C8orf34: variants seen among roughly 807,000 people sequenced by gnomAD.
C8orf34 encodes uncharacterized protein C8orf34.
In C8orf34, 65 loss-of-function variants were observed where a neutral mutation model predicts 68.3. The ratio of observed to expected loss-of-function variants is 0.95; its 90% CI spans 0.78 to 1.17. The LOEUF (loss-of-function observed/expected upper bound fraction) is 1.17, where lower values mean the gene tolerates loss of function less well. Among genes scored for constraint, C8orf34 ranks in the 50% most tolerant of loss-of-function variants. The pLI is 0.00. For missense variants in C8orf34, 664 were observed against 655.4 expected (o/e 1.01, Z -0.14); for synonymous variants, 244 against 241.2 (o/e 1.01, Z -0.11).
At chr8:68,749,975 A>G (rs1336649916) in intron 10 of C8orf34, among the ~76,000 whole-genome samples, 1 of 152,148 alleles carries the variant, frequency 6.6e-6, no homozygotes, top group Admixed American at 6.6e-5. Flanking sequence ...TTTGTTTCTC[A>G]TGAGAGATTC....
At chr8:68,472,580 C>T (rs1812428155) in intron 4 of C8orf34, among the ~76,000 whole-genome samples, 1 of 152,062 alleles carries the variant, frequency 6.6e-6, no homozygotes, top group Non-Finnish European at 1.5e-5. Flanking sequence ...AGAATTCTGC[C>T]TGCCATAGAT....
At chr8:68,767,812 C>A (rs1289255220) in intron 10 of C8orf34, among the ~76,000 whole-genome samples, 1 of 152,132 alleles carries the variant, frequency 6.6e-6, no homozygotes, top group Non-Finnish European at 1.5e-5. Flanking sequence ...GCTGGCGTGG[C>A]TATTTAATAT....
intron 10 of C8orf34, among the ~76,000 whole-genome samples, chr8:68,748,548 C>T (rs757648612): frequency 4.0e-5 from 6 of 151,432 alleles, no homozygotes; most frequent in Admixed American, 2.0e-4. Flanking sequence ...AAGAAAAAAA[C>T]AAACAACCCC....
chr8:68,545,138 T>C (rs543679664), intron 7 of C8orf34, among the ~76,000 whole-genome samples: 3 of 152,130 alleles, frequency 2.0e-5, no homozygotes, highest in East Asian at 1.9e-4. Context: ...TTCCCATCTG[T>C]TGTGGGAGGG....
At chr8:68,562,861 G>A (rs1816475684) in intron 7 of C8orf34, among the ~76,000 whole-genome samples, 1 of 152,198 alleles carries the variant, frequency 6.6e-6, no homozygotes, top group African/African-American at 2.4e-5. Context: ...TGTTGCTGAT[G>A]TTCCTAATGT....
At chr8:68,535,877 A>G (rs1156251086) in intron 7 of C8orf34, 1 of 980,826 alleles carries the variant, frequency 1.0e-6, no homozygotes, top group African/African-American at 1.7e-5. Flanking sequence ...TGGTGCTGTA[A>G]TTATAGAAGA....
chr8:68,668,951 T>G (rs895109464), intron 8 of C8orf34, among the ~76,000 whole-genome samples: 1 of 152,118 alleles, frequency 6.6e-6, no homozygotes, highest in Non-Finnish European at 1.5e-5. Flanking sequence ...AGTCTCCAGA[T>G]AAGACCCCAG....
intron 4 of C8orf34, among the ~76,000 whole-genome samples, chr8:68,473,696 C>T (rs565355025): frequency 6.6e-6 from 1 of 152,276 alleles, no homozygotes; most frequent in East Asian, 1.9e-4. Context: ...TTCTTTTTAA[C>T]TCATATGTCA....
chr8:68,476,043 A>G (rs957726231), intron 4 of C8orf34, among the ~76,000 whole-genome samples: 1 of 152,256 alleles, frequency 6.6e-6, no homozygotes, highest in Non-Finnish European at 1.5e-5. Flanking sequence ...TGAGTCAGTC[A>G]GGAATGTACC....
intron 10 of C8orf34, among the ~76,000 whole-genome samples, chr8:68,731,894 T>A (rs533559010): frequency 6.6e-6 from 1 of 152,386 alleles, no homozygotes; most frequent in East Asian, 1.9e-4. Context: ...AGGCTACTGA[T>A]CATTGGGATT....
chr8:68,427,448 G>A (rs1208570856), intron 1 of C8orf34, among the ~76,000 whole-genome samples: 3 of 152,070 alleles, frequency 2.0e-5, no homozygotes, highest in Admixed American at 1.3e-4. Context: ...ATATCAAAAA[G>A]ATATATACTT....
chr8:68,443,889 T>C (rs1206122240), intron 2 of C8orf34, among the ~76,000 whole-genome samples: 6 of 152,190 alleles, frequency 3.9e-5, no homozygotes, highest in African/African-American at 1.2e-4. Flanking sequence ...GAAAACAGCC[T>C]TATTTTTATT....
chr8:68,730,025 T>A (rs1372785787), intron 10 of C8orf34, among the ~76,000 whole-genome samples: 2 of 152,240 alleles, frequency 1.3e-5, no homozygotes, highest in East Asian at 3.9e-4. Context: ...CAAAGTTGAG[T>A]GAATGAATTA....
intron 7 of C8orf34, among the ~76,000 whole-genome samples, chr8:68,616,364 T>C (rs546103967): frequency 1.3e-5 from 2 of 152,026 alleles, no homozygotes; most frequent in African/African-American, 4.8e-5. Context: ...GCTTTTCTAG[T>C]CTTTTAATTG....
chr8:68,415,558 C>T (rs1223454831), intron 1 of C8orf34, among the ~76,000 whole-genome samples: 4 of 152,138 alleles, frequency 2.6e-5, no homozygotes, highest in Admixed American at 2.0e-4. Context: ...GCAGTAGTTT[C>T]TGAAATCCAG....
intron 8 of C8orf34, among the ~76,000 whole-genome samples, chr8:68,654,540 A>G (rs1424393646): frequency 1.3e-5 from 2 of 152,194 alleles, no homozygotes; most frequent in Non-Finnish European, 2.9e-5. Context: ...TGCTAAATCC[A>G]GGTATAATCT....
intron 1 of C8orf34, among the ~76,000 whole-genome samples, chr8:68,371,112 G>T (rs1807542065): frequency 6.6e-6 from 1 of 152,100 alleles, no homozygotes. Flanking sequence ...TGCTTCTGCT[G>T]GCAAGAGAAG....
At chr8:68,790,176 G>T (rs1023853520) in intron 12 of C8orf34, among the ~76,000 whole-genome samples, 4 of 152,160 alleles carry the variant, frequency 2.6e-5, no homozygotes, top group African/African-American at 9.7e-5. Context: ...TATCTCCACT[G>T]ATACTTTCAG....
intron 12 of C8orf34, among the ~76,000 whole-genome samples, chr8:68,800,010 A>G (rs1824284318): frequency 6.6e-6 from 1 of 152,172 alleles, no homozygotes; most frequent in Non-Finnish European, 1.5e-5. Context: ...ATAGCAATTA[A>G]TACTGTTTGG....
Sources: gnomAD v4.1 joint callset for allele counts (sites outside exome capture counted in the v4.1 genomes callset) on GRCh38, gnomAD v4.1.1 for gene constraint, MANE v1.5 for transcripts, NCBI Gene and HGNC (gene_info 2026-07-23, HGNC 2026-07-21) for gene names.